TCERG1L: variants seen among roughly 807,000 people sequenced by gnomAD.
TCERG1L encodes transcription elongation regulator 1 like.
A neutral mutation model predicts 56.3 loss-of-function variants in TCERG1L; 37 were observed. The ratio of observed to expected loss-of-function variants is 0.66; its 90% CI spans 0.51 to 0.87. TCERG1L has a LOEUF of 0.87. Among genes scored for constraint, TCERG1L ranks in the 40% least tolerant of loss-of-function variants. The pLI is 0.00. For missense variants in TCERG1L, 799 were observed against 774.2 expected (o/e 1.03, Z -0.38); for synonymous variants, 324 against 326.3 (o/e 0.99, Z 0.08).
intron 4 of TCERG1L, among the ~76,000 whole-genome samples, chr10:131,209,169 G>A (rs1845587727): frequency 6.6e-6 from 1 of 152,142 alleles, no homozygotes; most frequent in Admixed American, 6.5e-5. Context: ...GGGAACATCA[G>A]TGAATTCTGT....
chr10:131,150,401 A>G (rs1041622654), intron 6 of TCERG1L, among the ~76,000 whole-genome samples: 2 of 152,228 alleles, frequency 1.3e-5, no homozygotes, highest in African/African-American at 4.8e-5. Context: ...TTCATACTGC[A>G]TTCCACAAGC....
chr10:131,249,915 C>T (rs1483699418), intron 4 of TCERG1L, among the ~76,000 whole-genome samples: 2 of 152,244 alleles, frequency 1.3e-5, no homozygotes, highest in Admixed American at 6.5e-5. Context: ...ATAATTCAAA[C>T]ACTGTCTCCT....
rs759187354 is a variant in TCERG1L, at chr10:131,146,644, C to A, written c.1051G>T (p.Gly351Cys). ...PGSPWCVVWTGDDRVFFFNPT... is the reference protein window; with the variant it reads ...PGSPWCVVWTCDDRVFFFNPT... ...TTGAAGAAGAAAACTCGGTCATCGC[C>A]CGTCCAGACCACACACCTGTTTGAG... The change falls in exon 7 of 12, where the codon GGC (glycine) becomes TGC (cysteine). Residue 351 changes from glycine to cysteine, a missense_variant. Coordinates refer to ENST00000368642, the MANE Select transcript of TCERG1L (RefSeq NM_174937.4). 2.5e-5 allele frequency: 40 copies of A among 1,613,078 alleles called. No homozygotes were observed. Among genetic ancestry groups the A allele is most frequent in the Non-Finnish European group, 3.2e-5 (38 of 1,179,478 alleles).
intron 7 of TCERG1L, among the ~76,000 whole-genome samples, chr10:131,144,088 A>AGGCACACACGCTCACC (rs1845769345): frequency 6.6e-6 from 1 of 152,136 alleles, no homozygotes; most frequent in Non-Finnish European, 1.5e-5. Flanking sequence ...ACACGCTCAC[A>AGGCACACACGCTCACC]CATACACACA....
intron 3 of TCERG1L, among the ~76,000 whole-genome samples, chr10:131,284,380 T>C (rs961171665): frequency 5.2e-4 from 79 of 152,046 alleles, no homozygotes; most frequent in African/African-American, 1.9e-3. Context: ...AAATAGTACA[T>C]TAAAAAATTT....
chr10:131,306,021 C>T (rs1035536671), intron 3 of TCERG1L, among the ~76,000 whole-genome samples: 1 of 151,960 alleles, frequency 6.6e-6, no homozygotes, highest in African/African-American at 2.4e-5. Context: ...TGAACATTTA[C>T]GTGTGAGTGT....
intron 10 of TCERG1L, among the ~76,000 whole-genome samples, chr10:131,101,134 G>T (rs1845300558): frequency 6.6e-6 from 1 of 152,194 alleles, no homozygotes; most frequent in Admixed American, 6.5e-5. Context: ...GCCCAGGCAG[G>T]CCCAACTCCA....
At chr10:131,163,584 CTG>C (rs373443557) in intron 5 of TCERG1L, among the ~76,000 whole-genome samples, 153 of 152,330 alleles carry the variant, frequency 1.0e-3, no homozygotes, top group African/African-American at 3.5e-3. Flanking sequence ...GTGGGAGTCA[CTG>C]TGCCATGAAA....
intron 4 of TCERG1L, among the ~76,000 whole-genome samples, chr10:131,244,498 G>C (rs750224311): frequency 1.3e-5 from 2 of 152,094 alleles, no homozygotes; most frequent in Middle Eastern, 3.2e-3. Context: ...TTTAAGGTGC[G>C]CTGGAAGAAA....
chr10:131,108,872 C>A (rs148833299), intron 9 of TCERG1L, among the ~76,000 whole-genome samples: 1 of 152,210 alleles, frequency 6.6e-6, no homozygotes. Flanking sequence ...AGCTAAGAGC[C>A]AATCTTGGCT....
intron 3 of TCERG1L, among the ~76,000 whole-genome samples, chr10:131,287,910 G>A (rs2133569623): frequency 6.6e-6 from 1 of 152,332 alleles, no homozygotes; most frequent in African/African-American, 2.4e-5. Context: ...GGCAAAGTCT[G>A]TGCTCTCAGT....
intron 4 of TCERG1L, among the ~76,000 whole-genome samples, chr10:131,228,773 GT>G (rs1845819754): frequency 5.9e-5 from 5 of 85,070 alleles, no homozygotes; most frequent in East Asian, 9.9e-4. Context: ...TTTCCTCAAG[GT>G]CTCCGGAGTC....
intron 3 of TCERG1L, among the ~76,000 whole-genome samples, chr10:131,287,111 T>C (rs1230184208): frequency 1.3e-5 from 2 of 152,216 alleles, no homozygotes; most frequent in Non-Finnish European, 2.9e-5. Flanking sequence ...TGCCAGAAAA[T>C]TTTAAATTCC....
chr10:131,110,434 GCAGC>G (rs1254058114), intron 9 of TCERG1L, among the ~76,000 whole-genome samples: 2 of 152,308 alleles, frequency 1.3e-5, no homozygotes, highest in Admixed American at 1.3e-4. Context: ...CATTAAGGGG[GCAGC>G]TTCTCTGGCC....
At chr10:131,174,780 G>A (rs190041427) in intron 4 of TCERG1L, among the ~76,000 whole-genome samples, 5 of 152,108 alleles carry the variant, frequency 3.3e-5, no homozygotes, top group African/African-American at 1.2e-4. Flanking sequence ...GAACCAGAGC[G>A]TGGCTTCCTC....
intron 8 of TCERG1L, among the ~76,000 whole-genome samples, chr10:131,120,898 C>T (rs769138651): frequency 3.3e-5 from 5 of 152,164 alleles, no homozygotes; most frequent in Non-Finnish European, 7.3e-5. Flanking sequence ...CTGGGCACAG[C>T]GGGGCTGTAG....
At chr10:131,124,450 T>G (rs796904846) in intron 8 of TCERG1L, among the ~76,000 whole-genome samples, 1 of 152,340 alleles carries the variant, frequency 6.6e-6, no homozygotes, top group Non-Finnish European at 1.5e-5. Flanking sequence ...AGCATGGAAT[T>G]ATTGCCACAT....
intron 7 of TCERG1L, among the ~76,000 whole-genome samples, chr10:131,140,345 T>C (rs1016960442): frequency 6.6e-5 from 10 of 152,118 alleles, no homozygotes; most frequent in Admixed American, 5.9e-4. Flanking sequence ...CCCTGAGCTG[T>C]GTGCTCTGCC....
At chr10:131,164,704 T>G (rs1052363135) in intron 5 of TCERG1L, among the ~76,000 whole-genome samples, 38 of 152,154 alleles carry the variant, frequency 2.5e-4, no homozygotes, top group African/African-American at 9.2e-4. Context: ...GCAGGTGCAA[T>G]TAGAATACTC....
Sources: allele counts gnomAD v4.1 joint callset (sites outside exome capture counted in the v4.1 genomes callset), GRCh38; gene constraint gnomAD v4.1.1; transcripts MANE v1.5; gene names NCBI Gene and HGNC (gene_info 2026-07-23, HGNC 2026-07-21).